The following HMGCLL1 variants were observed in gnomAD, a reference collection of about 807,000 sequenced individuals.
The protein encoded by HMGCLL1 is 3-hydroxy-3-methylglutaryl-CoA lyase like 1.
HMGCLL1 carries 36 observed loss-of-function variants against 39.1 expected under a neutral mutation model. The ratio of observed to expected loss-of-function variants is 0.92; its 90% CI spans 0.71 to 1.22. HMGCLL1 has a LOEUF of 1.22. Among genes scored for constraint, HMGCLL1 ranks in the 50% most tolerant of loss-of-function variants. The probability of loss-of-function intolerance (pLI) is 0.00; values close to 1 mark genes in which losing one functional copy is unlikely to be tolerated. For missense variants in HMGCLL1, 451 were observed against 416.5 expected, an observed-to-expected ratio of 1.08 and a Z score of -0.72; for synonymous variants, 149 against 144.0, an observed-to-expected ratio of 1.03 and a Z score of -0.25.
At chr6:55,494,051 T>G (rs1245660594) in intron 7 of HMGCLL1, among the ~76,000 whole-genome samples, 2 of 152,134 alleles carry the variant, frequency 1.3e-5, no homozygotes, top group Admixed American at 1.3e-4. Flanking sequence ...TCTCATTCTT[T>G]AGATATGATT....
chr6:55,436,142 C>T (rs1376257401), intron 8 of HMGCLL1, among the ~76,000 whole-genome samples: 2 of 151,582 alleles, frequency 1.3e-5, no homozygotes, highest in African/African-American at 2.4e-5. Flanking sequence ...TAGATAAGAA[C>T]TGACTTAGAA....
At chr6:55,599,988 T>C in the HMGCLL1 span, among the ~76,000 whole-genome samples, 1 of 152,224 alleles carries the variant, frequency 6.6e-6, no homozygotes, top group South Asian at 2.1e-4. Flanking sequence ...GATATTTTTA[T>C]GTTGAAATTA....
chr6:55,628,394 T>C, the HMGCLL1 span, among the ~76,000 whole-genome samples: 52,086 of 148,926 alleles, frequency 0.35, 9,545 homozygotes, highest in African/African-American at 0.45. Context: ...CTCAGTCTCC[T>C]GGGTTCAAAC....
intron 7 of HMGCLL1, among the ~76,000 whole-genome samples, 156 bp downstream of exon 7, chr6:55,495,263 A>C (rs1468997091): frequency 1.3e-5 from 2 of 152,240 alleles, no homozygotes; most frequent in African/African-American, 2.4e-5. Context: ...GAAATTGACA[A>C]ATATTTCCCA....
intron 7 of HMGCLL1, among the ~76,000 whole-genome samples, chr6:55,452,261 T>A (rs909300765): frequency 6.6e-6 from 1 of 152,218 alleles, no homozygotes; most frequent in African/African-American, 2.4e-5. Flanking sequence ...CTTTTATTAA[T>A]CTTGGCTGCA....
chr6:55,550,534 G>A (rs528846356), intron 1 of HMGCLL1, among the ~76,000 whole-genome samples: 12 of 151,928 alleles, frequency 7.9e-5, no homozygotes, highest in African/African-American at 2.4e-4. Flanking sequence ...ATAACGTCCC[G>A]CAAACAAATC....
At chr6:55,640,603 G>C in the HMGCLL1 span, among the ~76,000 whole-genome samples, 1 of 151,730 alleles carries the variant, frequency 6.6e-6, no homozygotes, top group Non-Finnish European at 1.5e-5. Flanking sequence ...AGAAAGGAGA[G>C]AGTGATATTT....
the HMGCLL1 span, among the ~76,000 whole-genome samples, chr6:55,642,411 A>G: frequency 3.3e-5 from 5 of 152,046 alleles, no homozygotes; most frequent in African/African-American, 1.2e-4. Flanking sequence ...CTGATTAACA[A>G]TAATATAAAA....
At chr6:55,678,552 A>T in the HMGCLL1 span, among the ~76,000 whole-genome samples, 1 of 152,176 alleles carries the variant, frequency 6.6e-6, no homozygotes, top group Admixed American at 6.5e-5. Flanking sequence ...GATATTGAGC[A>T]AGAAAAAAGA....
At chr6:55,551,601 C>T (rs1371154821) in intron 1 of HMGCLL1, among the ~76,000 whole-genome samples, 1 of 151,870 alleles carries the variant, frequency 6.6e-6, no homozygotes, top group African/African-American at 2.4e-5. Context: ...TATTACCATC[C>T]TCAAGAATCT....
chr6:55,475,464 C>G (rs545646672), intron 7 of HMGCLL1, among the ~76,000 whole-genome samples: 1 of 151,672 alleles, frequency 6.6e-6, no homozygotes, highest in South Asian at 2.1e-4. Context: ...GGATTTGCCT[C>G]TCTCTCCAGA....
chr6:55,632,754 T>G, the HMGCLL1 span, among the ~76,000 whole-genome samples: 1 of 152,168 alleles, frequency 6.6e-6, no homozygotes, highest in East Asian at 1.9e-4. Flanking sequence ...ATATTTGCAT[T>G]AAAGGTTACC....
intron 3 of HMGCLL1, among the ~76,000 whole-genome samples, chr6:55,531,048 T>C (rs1418522254): frequency 6.6e-6 from 1 of 152,222 alleles, no homozygotes; most frequent in Non-Finnish European, 1.5e-5. Flanking sequence ...CTATCCAGAC[T>C]ACGCTTAATA....
chr6:55,554,088 C>A (rs1027779488), intron 1 of HMGCLL1, among the ~76,000 whole-genome samples: 5 of 151,996 alleles, frequency 3.3e-5, no homozygotes, highest in Non-Finnish European at 7.4e-5. Context: ...AATGAGAGCT[C>A]GTATTCAAAA....
At chr6:55,663,272 T>C in the HMGCLL1 span, among the ~76,000 whole-genome samples, 1 of 151,872 alleles carries the variant, frequency 6.6e-6, no homozygotes, top group Non-Finnish European at 1.5e-5. Context: ...GCAGTTGCAA[T>C]GTTAGGTTGT....
At chr6:55,484,337 T>C (rs1440383373) in intron 7 of HMGCLL1, among the ~76,000 whole-genome samples, 1 of 152,026 alleles carries the variant, frequency 6.6e-6, no homozygotes, top group African/African-American at 2.4e-5. Context: ...CAAACTACTC[T>C]GCTCTGATCT....
In HMGCLL1 at chr6:55,521,714, C is replaced by T. The variant is rs553682572; in HGVS notation, c.298-5111G>A. Among the ~76,000 whole-genome samples, 100 of 151,918 alleles carry T rather than the reference C, an allele frequency of 6.6e-4. 1 individual carries two copies. The highest frequency in any genetic ancestry group is 1.1e-3 in the Non-Finnish European group (76 of 67,956). On this transcript the variant is annotated intron_variant, in intron 3 of 8. Coordinates refer to ENST00000274901, the MANE Select transcript of HMGCLL1 (RefSeq NM_001042406.2). Reference sequence around the variant, plus strand: ...CAATTGGGCATTCCCCACCTCTCTCCGTCTCCTTAGGCCTCCCCATTCCCT... The same window carrying T: ...CAATTGGGCATTCCCCACCTCTCTCTGTCTCCTTAGGCCTCCCCATTCCCT...
the HMGCLL1 span, among the ~76,000 whole-genome samples, chr6:55,657,537 T>G: frequency 2.0e-5 from 3 of 151,980 alleles, no homozygotes; most frequent in South Asian, 6.2e-4. Context: ...TTTGTTCCAT[T>G]GGTCTATGTG....
chr6:55,540,285 C>G (rs1769348909), intron 3 of HMGCLL1, among the ~76,000 whole-genome samples: 1 of 152,048 alleles, frequency 6.6e-6, no homozygotes, highest in Admixed American at 6.6e-5. Flanking sequence ...TTTCATACAT[C>G]AGTAACTGTT....
Sources: gnomAD v4.1 joint callset for allele counts (sites outside exome capture counted in the v4.1 genomes callset) on GRCh38, gnomAD v4.1.1 for gene constraint, MANE v1.5 for transcripts, NCBI Gene and HGNC (gene_info 2026-07-23, HGNC 2026-07-21) for gene names.